GPC4: variants seen among roughly 807,000 people sequenced by gnomAD.
GPC4 encodes glypican 4.
GPC4 carries 10 observed loss-of-function variants against 35.0 expected under a neutral mutation model. The ratio of observed to expected loss-of-function variants is 0.29; its 90% CI spans 0.18 to 0.48. The LOEUF is 0.48. GPC4 is among the 20% of genes least tolerant of loss of function. GPC4 has a pLI of 0.99. For missense variants in GPC4, 322 were observed against 451.3 expected (o/e 0.71, Z 2.60); for synonymous variants, 167 against 170.2 (o/e 0.98, Z 0.15).
chrX:133,356,795 C>A (rs970498302), intron 1 of GPC4, among the ~76,000 whole-genome samples: 2 of 111,778 alleles, frequency 1.8e-5, no homozygotes, highest in Non-Finnish European at 3.8e-5. Context: ...GACTAAGACA[C>A]TCCACATCAC....
At chrX:133,392,813 T>C (rs1603094285) in intron 1 of GPC4, among the ~76,000 whole-genome samples, 1 of 111,044 alleles carries the variant, frequency 9.0e-6, no homozygotes, top group East Asian at 2.8e-4. Context: ...ACCAACCACC[T>C]GTCAAAATAA....
At chrX:133,316,038 T>A (rs1013718383) in intron 3 of GPC4, among the ~76,000 whole-genome samples, 3 of 112,021 alleles carry the variant, frequency 2.7e-5, no homozygotes, top group African/African-American at 9.7e-5. Context: ...TTAAAGAAAA[T>A]GCTTATTTAG....
chrX:133,404,457 G>A (rs1366393677), intron 1 of GPC4, among the ~76,000 whole-genome samples: 1 of 102,494 alleles, frequency 9.8e-6, no homozygotes. Flanking sequence ...TAAGGCAGAA[G>A]AATCGCTTGA....
At chrX:133,325,836 C>A (rs2068390277) in intron 2 of GPC4, among the ~76,000 whole-genome samples, 1 of 111,698 alleles carries the variant, frequency 9.0e-6, no homozygotes, top group Admixed American at 9.5e-5. Context: ...TTTTCAAAAC[C>A]TGGACTGAGG....
chrX:133,387,469 A>G (rs1432449087), intron 1 of GPC4, among the ~76,000 whole-genome samples: 1 of 111,701 alleles, frequency 9.0e-6, no homozygotes, highest in Non-Finnish European at 1.9e-5. Context: ...AAGAAAAGAA[A>G]AAAGAAGAAA....
At chrX:133,407,242 C>T (rs771816662) in intron 1 of GPC4, among the ~76,000 whole-genome samples, 80 of 110,665 alleles carry the variant, frequency 7.2e-4, no homozygotes, top group African/African-American at 2.4e-3. Context: ...CAATTTCACC[C>T]CATTTTTCAA....
At chrX:133,396,897 GTC>G (rs2068745903) in intron 1 of GPC4, among the ~76,000 whole-genome samples, 1 of 111,830 alleles carries the variant, frequency 8.9e-6, no homozygotes, top group Non-Finnish European at 1.9e-5. Flanking sequence ...TTTGGGAATA[GTC>G]TCTTTCCCTA....
intron 1 of GPC4, among the ~76,000 whole-genome samples, chrX:133,398,931 A>G (rs2068756667): frequency 9.0e-6 from 1 of 111,288 alleles, no homozygotes; most frequent in Non-Finnish European, 1.9e-5. Context: ...AAGACTTATC[A>G]CTCAGGCTGC....
intron 4 of GPC4, among the ~76,000 whole-genome samples, chrX:133,307,368 A>G (rs779859107): frequency 8.9e-5 from 10 of 112,489 alleles, no homozygotes; most frequent in Admixed American, 6.6e-4. Context: ...CCTTCAACCT[A>G]GAACAAATGC....
intron 3 of GPC4, among the ~76,000 whole-genome samples, chrX:133,315,108 GTT>G (rs768185435): frequency 3.7e-4 from 35 of 94,010 alleles, no homozygotes; most frequent in African/African-American, 9.6e-4. Context: ...AAGTGTTTGG[GTT>G]TTTTTTTTTT....
At chrX:133,331,339 G>A (rs1047248283) in intron 2 of GPC4, among the ~76,000 whole-genome samples, 2 of 111,762 alleles carry the variant, frequency 1.8e-5, no homozygotes, top group Admixed American at 1.9e-4. Context: ...TTTCAGACAC[G>A]TATAAGTAAG....
At chrX:133,320,453 C>T (rs2068358874) in intron 3 of GPC4, among the ~76,000 whole-genome samples, 1 of 109,231 alleles carries the variant, frequency 9.2e-6, no homozygotes, top group Non-Finnish European at 1.9e-5. Context: ...ATGGAGAAAC[C>T]CCATCTCTAC....
At chrX:133,404,470 C>T (rs1228735936) in intron 1 of GPC4, among the ~76,000 whole-genome samples, 5 of 99,603 alleles carry the variant, frequency 5.0e-5, no homozygotes, top group African/African-American at 2.0e-4. Flanking sequence ...TCGCTTGAAC[C>T]CGGGAGGCGG....
chrX:133,397,885 T>C (rs55958123), intron 1 of GPC4, among the ~76,000 whole-genome samples: 45,240 of 109,780 alleles, frequency 0.41, 7,779 homozygotes, highest in African/African-American at 0.64. Flanking sequence ...ACATGGTGAA[T>C]CCCTGTCTCT....
At chrX:133,383,044 C>T (rs2124168054) in intron 1 of GPC4, among the ~76,000 whole-genome samples, 1 of 111,814 alleles carries the variant, frequency 8.9e-6, no homozygotes, top group Admixed American at 9.5e-5. Context: ...CAACTACTCT[C>T]CTTGGTATTT....
At chrX:133,332,188 T>A (rs950516728) in intron 2 of GPC4, among the ~76,000 whole-genome samples, 6 of 111,709 alleles carry the variant, frequency 5.4e-5, no homozygotes, top group African/African-American at 1.6e-4. Flanking sequence ...TATTCCTCAT[T>A]ATAGCAACTT....
At chrX:133,316,333 T>C (rs1477396917) in intron 3 of GPC4, among the ~76,000 whole-genome samples, 1 of 111,897 alleles carries the variant, frequency 8.9e-6, no homozygotes. Flanking sequence ...TTCCAGTAAA[T>C]GGCCAAACCA....
intron 3 of GPC4, among the ~76,000 whole-genome samples, chrX:133,319,941 G>A (rs2068356711): frequency 9.0e-6 from 1 of 111,232 alleles, no homozygotes; most frequent in Admixed American, 9.6e-5. Flanking sequence ...TTCCACAGAT[G>A]GTAGATATTT....
At chrX:133,304,939 A>G in intron 6 of GPC4, 78 bp from the exon 7 acceptor site, 1 of 990,918 alleles carries the variant, frequency 1.0e-6, no homozygotes, top group Non-Finnish European at 1.4e-6. Context: ...CCTTCTGGCC[A>G]TTTCCAAAGT....
Sources: allele counts gnomAD v4.1 joint callset (sites outside exome capture counted in the v4.1 genomes callset), GRCh38; gene constraint gnomAD v4.1.1; transcripts MANE v1.5; gene names NCBI Gene and HGNC (gene_info 2026-07-23, HGNC 2026-07-21).